The following NKIRAS1 variants were observed in gnomAD, a reference collection of about 807,000 sequenced individuals.
NKIRAS1 encodes NFKB inhibitor interacting Ras like 1.
In NKIRAS1, 16 loss-of-function variants were observed where a neutral mutation model predicts 19.8. The observed-to-expected ratio is 0.81, with a 90% confidence interval of 0.55 to 1.23. The LOEUF (loss-of-function observed/expected upper bound fraction) is 1.23, where lower values mean the gene tolerates loss of function less well. NKIRAS1 is among the 50% of genes most tolerant of loss of function. The probability of loss-of-function intolerance (pLI) is 0.00; values close to 1 mark genes in which losing one functional copy is unlikely to be tolerated. For missense variants in NKIRAS1, 184 were observed against 220.0 expected, an observed-to-expected ratio of 0.84 and a Z score of 1.04; for synonymous variants, 88 against 79.0, an observed-to-expected ratio of 1.11 and a Z score of -0.61.
At chr3:23,895,634 G>A (rs931941816) in intron 4 of NKIRAS1, among the ~76,000 whole-genome samples, 6 of 152,174 alleles carry the variant, frequency 3.9e-5, no homozygotes, top group African/African-American at 1.4e-4. Flanking sequence ...TATGGCTGGA[G>A]AAAAACATAC....
At chr3:23,908,198 T>TA (rs1452197755) in intron 3 of NKIRAS1, among the ~76,000 whole-genome samples, 17 of 152,140 alleles carry the variant, frequency 1.1e-4, no homozygotes, top group Non-Finnish European at 2.4e-4. Flanking sequence ...TTCACGATGC[T>TA]AAAAAACTCT....
At chr3:23,896,134 C>CAA (rs71057634) in intron 4 of NKIRAS1, among the ~76,000 whole-genome samples, 12 of 49,164 alleles carry the variant, frequency 2.4e-4, no homozygotes, top group Non-Finnish European at 3.2e-4. Context: ...GACTCCATCT[C>CAA]AAAAAAAAAA....
intron 1 of NKIRAS1, among the ~76,000 whole-genome samples, chr3:23,936,829 A>G (rs1705403579): frequency 6.6e-6 from 1 of 152,248 alleles, no homozygotes; most frequent in African/African-American, 2.4e-5. Context: ...TACAGGCGTG[A>G]GCCACTGCAC....
At chr3:23,919,858 C>T, upstream of NKIRAS1, 2 of 1,011,438 alleles carry the variant, frequency 2.0e-6, no homozygotes, top group Non-Finnish European at 2.4e-6. Flanking sequence ...GGAGTGATGG[C>T]AATGCTCTGC....
At chr3:23,917,698 G>T, upstream of NKIRAS1, 1 of 716,758 alleles carries the variant, frequency 1.4e-6, no homozygotes, top group Non-Finnish European at 2.3e-6. Flanking sequence ...GCGCAGTGGT[G>T]GGGGTTGGGC....
chr3:23,907,564 G>A (rs1425395124), intron 3 of NKIRAS1, among the ~76,000 whole-genome samples: 1 of 152,196 alleles, frequency 6.6e-6, no homozygotes. Flanking sequence ...TTTCCACTGT[G>A]TTGATATTTG....
At chr3:23,919,689 A>T, upstream of NKIRAS1, 1 of 1,390,556 alleles carries the variant, frequency 7.2e-7, no homozygotes, top group South Asian at 1.8e-5. Context: ...CTAATAAGAT[A>T]AACTTTTTTG....
Position 23,911,377 on chromosome 3 carries a change from C to T in NKIRAS1, c.-66G>A, listed in dbSNP as rs1703704455. ...GCTGAGGCAGGAGAATCACTTGAAC[C>T]CAGGGGGCGGAGGTTGCACTGAGCT... is the stretch of plus-strand genomic sequence containing the variant. On this transcript the variant is annotated 5_prime_UTR_variant, in exon 2 of 5. Coordinates refer to ENST00000425478, the MANE Select transcript of NKIRAS1 (RefSeq NM_020345.4). The T allele has an allele frequency of 6.3e-6, 1 of 159,140 alleles. No individual in the cohort carries two copies. The highest frequency in any genetic ancestry group is 6.0e-5 in the Admixed American group (1 of 16,756). The allele number at this position is 159,140 out of a possible 1,614,324, so 9.9% of individuals were successfully genotyped here.
intron 4 of NKIRAS1, among the ~76,000 whole-genome samples, chr3:23,895,105 C>T (rs1376961045): frequency 6.6e-6 from 1 of 152,120 alleles, no homozygotes; most frequent in African/African-American, 2.4e-5. Flanking sequence ...AGTGCAATGG[C>T]TTGATCATAG....
At chr3:23,918,199 C>G (rs1012867288), upstream of NKIRAS1, 4 of 985,282 alleles carry the variant, frequency 4.1e-6, no homozygotes, top group African/African-American at 3.3e-5. Flanking sequence ...TCTAAAGTGG[C>G]AAGTGTGTCA....
upstream of NKIRAS1, chr3:23,920,044 A>G: frequency 1.0e-6 from 1 of 986,262 alleles, no homozygotes; most frequent in Non-Finnish European, 1.2e-6. Flanking sequence ...CATGGCATTC[A>G]GTGATTAGTG....
chr3:23,926,447 CTCT>C lies in NKIRAS1; in HGVS notation c.-139-15000_-139-14998del, dbSNP rs1337518214. Among the ~76,000 whole-genome samples, 5 of 151,970 alleles carry C rather than the reference CTCT, an allele frequency of 3.3e-5. No homozygotes were observed. Among genetic ancestry groups the C allele is most frequent in the Non-Finnish European group, 7.4e-5 (5 of 67,996 alleles). On this transcript the variant is annotated intron_variant, in intron 1 of 4. Coordinates refer to the NKIRAS1 transcript ENST00000421515. The surrounding 1 kb of genome is among the most constrained non-coding windows in gnomAD (Gnocchi z 4.3). ...CCTCCTCCTCTTGCTCCTCGTCCTC[CTCT>C]TCTCTCTTTTTTCTCTTCTTCCTCT...
rs1042794671 is a variant in NKIRAS1 at position 23,926,658 on chromosome 3, C to G, written c.-139-15208G>C. The stretch of plus-strand genomic sequence containing the variant: ...ATTGTATAATTACCACTTCCTTTGT[C>G]AGGGCGATTTTAGGTTTTTAGAAGT... On this transcript the variant is annotated intron_variant, in intron 1 of 4. Coordinates refer to the NKIRAS1 transcript ENST00000421515. This position sits in a 1 kb window ranked among gnomAD's most constrained non-coding sequence, Gnocchi z 4.3. Among the ~76,000 whole-genome samples, 1 of 152,092 alleles carries G rather than the reference C, an allele frequency of 6.6e-6. No individual in the cohort carries two copies. Among genetic ancestry groups the G allele is most frequent in the African/African-American group, 2.4e-5 (1 of 41,374 alleles).
chr3:23,918,799 C>G, upstream of NKIRAS1: 1 of 591,542 alleles, frequency 1.7e-6, no homozygotes, highest in Non-Finnish European at 2.9e-6. Context: ...AGCTTTAAAG[C>G]GGCAAGAATA....
At position 23,892,156 on chromosome 3, in the gene NKIRAS1, C is replaced by G. The variant is rs901630303; in HGVS notation, c.*939G>C. 9 of 152,116 alleles carry G rather than the reference C, an allele frequency of 5.9e-5. No individual in the cohort carries two copies. The highest frequency in any genetic ancestry group is 1.2e-4 in the Non-Finnish European group (8 of 68,020). The allele number at this position is 152,116 out of a possible 1,614,324, so 9.4% of individuals were successfully genotyped here. A position where few individuals can be genotyped will look rare whatever the true frequency, so the allele number is the denominator to read the frequency against. ...AAAATAGTTATTTCACAGGTGAAACCACTAAGTAGCTTACTTCCTACCTTT... is the reference window on the plus strand; with the variant it reads ...AAAATAGTTATTTCACAGGTGAAACGACTAAGTAGCTTACTTCCTACCTTT... On this transcript the variant is annotated 3_prime_UTR_variant, in exon 5 of 5. Coordinates refer to ENST00000425478, the MANE Select transcript of NKIRAS1 (RefSeq NM_020345.4).
upstream of NKIRAS1, chr3:23,918,192 A>G (rs1355433520): frequency 2.0e-6 from 2 of 1,016,752 alleles, no homozygotes; most frequent in African/African-American, 1.6e-5. Flanking sequence ...ACTGTTGTCT[A>G]AAGTGGCAAG....
At chr3:23,915,909 A>G (rs1704328260) in intron 1 of NKIRAS1, 1 of 152,082 alleles carries the variant, frequency 6.6e-6, no homozygotes, top group Non-Finnish European at 1.5e-5. Flanking sequence ...CCCTCCCCTT[A>G]TCTTTTTTCC....
chr3:23,939,531 C>G (rs1705455245), intron 1 of NKIRAS1, among the ~76,000 whole-genome samples: 1 of 152,110 alleles, frequency 6.6e-6, no homozygotes, highest in African/African-American at 2.4e-5. Context: ...ATCATGAGGC[C>G]AGGAGTTCGA....
upstream of NKIRAS1, chr3:23,917,691 C>T (rs1704717575): frequency 3.0e-5 from 20 of 674,412 alleles, no homozygotes; most frequent in South Asian, 6.1e-5. Context: ...TCCGTGGGCG[C>T]AGTGGTGGGG....
Sources: gnomAD v4.1 joint callset for allele counts (sites outside exome capture counted in the v4.1 genomes callset) on GRCh38, gnomAD v4.1.1 for gene constraint, Gnocchi (gnomAD v3.1) non-coding constraint, MANE v1.5 for transcripts, NCBI Gene and HGNC (gene_info 2026-07-23, HGNC 2026-07-21) for gene names.